Variants in GEN1 observed in about 807,000 individuals in gnomAD.
GEN1 encodes the protein flap endonuclease GEN homolog 1.
Under a neutral mutation model 67.6 loss-of-function variants are expected in GEN1, and 64 were observed. That is an observed-to-expected ratio of 0.95 (90% CI 0.77 to 1.17). The LOEUF (loss-of-function observed/expected upper bound fraction) is 1.17, where lower values mean the gene tolerates loss of function less well. Ranked by LOEUF, GEN1 falls within the 50% of genes most tolerant of loss-of-function variation. GEN1 has a pLI of 0.00. For missense variants in GEN1, 1,058 were observed against 1,048.3 expected, an observed-to-expected ratio of 1.01 and a Z score of -0.13; for synonymous variants, 371 against 359.4, an observed-to-expected ratio of 1.03 and a Z score of -0.37.
At chr2:17,770,680 C>T (rs1672138266) in intron 6 of GEN1, among the ~76,000 whole-genome samples, 1 of 151,944 alleles carries the variant, frequency 6.6e-6, no homozygotes, top group Non-Finnish European at 1.5e-5. Flanking sequence ...GCTCTTTGCA[C>T]AAGAGATTAA....
intron 4 of GEN1, among the ~76,000 whole-genome samples, chr2:17,765,471 C>T (rs1671883982): frequency 6.6e-6 from 1 of 152,160 alleles, no homozygotes; most frequent in Non-Finnish European, 1.5e-5. Flanking sequence ...TGGCAAGCAG[C>T]CCGAGTGCTC....
At chr2:17,776,360 T>C (rs1672433755) in intron 11 of GEN1, among the ~76,000 whole-genome samples, 1 of 152,114 alleles carries the variant, frequency 6.6e-6, no homozygotes, top group Non-Finnish European at 1.5e-5. Context: ...TTGGGGAAAT[T>C]TGAATATGGT....
intron 6 of GEN1, among the ~76,000 whole-genome samples, chr2:17,769,585 G>A (rs777896308): frequency 6.6e-6 from 1 of 152,106 alleles, no homozygotes; most frequent in Non-Finnish European, 1.5e-5. Context: ...TGTCTGTGGC[G>A]TGTTGTAAAT....
chr2:17,787,827 GAC>G lies in GEN1; in HGVS notation c.*5890_*5891del, dbSNP rs1673106780. 6.6e-6 allele frequency: 1 copy of G among 152,500 alleles called. No individual in the cohort carries two copies. Among genetic ancestry groups the G allele is most frequent in the African/African-American group, 2.4e-5 (1 of 41,476 alleles). 9.4% of individuals were successfully genotyped at this position (152,500 alleles called of 1,614,324 possible). On this transcript the variant is annotated 3_prime_UTR_variant, in exon 14 of 14. Coordinates refer to ENST00000381254, the MANE Select transcript of GEN1 (RefSeq NM_001130009.3). Reference sequence around the variant, plus strand: ...TAATCCCACCTACTTGGGAGGCTGAGACAAGAGAATCACTTGAACCCGGGAGG... The same window carrying G: ...TAATCCCACCTACTTGGGAGGCTGAGAAGAGAATCACTTGAACCCGGGAGG...
intron 3 of GEN1, among the ~76,000 whole-genome samples, chr2:17,762,428 C>T (rs948816689): frequency 1.3e-5 from 2 of 151,848 alleles, no homozygotes; most frequent in African/African-American, 4.8e-5. Flanking sequence ...AGAATGGTCT[C>T]GATCTCCTGA....
chr2:17,762,079 T>A (rs2125122678), intron 3 of GEN1, among the ~76,000 whole-genome samples: 1 of 151,950 alleles, frequency 6.6e-6, no homozygotes, highest in East Asian at 1.9e-4. Context: ...TTATAATATA[T>A]TATTTATATG....
intron 5 of GEN1, 72 bp downstream of exon 5, chr2:17,766,761 GAATATA>G: frequency 1.3e-6 from 1 of 771,024 alleles, no homozygotes. Context: ...GTATAAATAT[GAATATA>G]ATATGGCTAT....
Position 17,773,252 on chromosome 2 carries a change from T to C in GEN1, c.1024T>C (p.Leu342=), listed in dbSNP as rs745329522. 3 of 1,602,552 alleles carry C rather than the reference T, an allele frequency of 1.9e-6. No homozygotes were observed. The stretch of plus-strand genomic sequence containing the variant: ...AGAATTCCTTTTAAACAAGGATAAA[T>C]TGGTGAAGGTTATCAGGTACCAAAG... The part of the protein sequence containing the change: ...IQEFLLNKDK[L]VKVIRYQRPD... Residue 342 remains leucine, a synonymous_variant, in exon 10 of 14, where the codon TTG becomes CTG. Coordinates refer to ENST00000381254, the MANE Select transcript of GEN1 (RefSeq NM_001130009.3).
chr2:17,761,706 A>G (rs1671688396), intron 3 of GEN1, 124 bp downstream of exon 3: 2 of 661,592 alleles, frequency 3.0e-6, no homozygotes, highest in Non-Finnish European at 4.8e-6. Context: ...GCCTAGAGAA[A>G]AGAGTTTATT....
At chr2:17,776,097 C>CA (rs1182092377) in intron 11 of GEN1, among the ~76,000 whole-genome samples, 1 of 111,614 alleles carries the variant, frequency 9.0e-6, no homozygotes, top group Non-Finnish European at 1.7e-5. Context: ...AACTTGGTGA[C>CA]AGAGTGAGAC....
At chr2:17,773,781 C>CAATATATATATA (rs1465939929) in intron 10 of GEN1, among the ~76,000 whole-genome samples, 2 of 152,166 alleles carry the variant, frequency 1.3e-5, no homozygotes, top group East Asian at 3.9e-4. Context: ...TTTATATTAA[C>CAATATATATATA]TCCTAATATA....
intron 11 of GEN1, among the ~76,000 whole-genome samples, chr2:17,775,058 T>C (rs1237909325): frequency 6.6e-6 from 1 of 152,164 alleles, no homozygotes; most frequent in Admixed American, 6.5e-5. Flanking sequence ...AAATCAACAA[T>C]TGCGTCATGA....
Position 17,761,433 on chromosome 2 carries a change from G to T in GEN1, c.199G>T (p.Asp67Tyr), listed in dbSNP as rs1164101094. The change falls in exon 3 of 14, where the codon GAT (aspartate) becomes TAT (tyrosine). Residue 67 changes from aspartate to tyrosine, a missense_variant. By Grantham distance (160) the Asp-to-Tyr change is radical (BLOSUM62 -3). Coordinates refer to ENST00000381254, the MANE Select transcript of GEN1 (RefSeq NM_001130009.3). The stretch of plus-strand genomic sequence containing the variant: ...TCGTATCTCATATTTAACACAAATG[G>T]ATGTAAAACTGGTATTTGTTATGGA... ...FFRISYLTQM[D>Y]VKLVFVMEGE... The T allele has an allele frequency of 1.2e-6, 2 of 1,607,664 alleles. No individual in the cohort carries two copies. The highest frequency in any genetic ancestry group is 1.7e-6 in the Non-Finnish European group (2 of 1,175,238).
In GEN1 at chr2:17,784,131, T is replaced by A. The variant is rs984744707; in HGVS notation, c.*2192T>A. On this transcript the variant is annotated 3_prime_UTR_variant, in exon 14 of 14. Transcript: ENST00000381254. ...TGTATCTTGGTGGTATATAAAGAAC[T>A]CGTAACTCAATTATAAAAAGACAAC... The A allele has an allele frequency of 3.3e-5, 5 of 151,888 alleles. No homozygotes were observed. The highest frequency in any genetic ancestry group is 3.3e-4 in the Admixed American group (5 of 15,244). 9.4% of individuals were successfully genotyped at this position (151,888 alleles called of 1,614,324 possible).
chr2:17,755,307 CTA>C (rs1199552048), intron 1 of GEN1: 1 of 152,202 alleles, frequency 6.6e-6, no homozygotes, highest in Admixed American at 6.5e-5. Context: ...CTAAATACAA[CTA>C]TAGCTTGCTT....
chr2:17,764,326 G>A (rs1671824164), intron 3 of GEN1, among the ~76,000 whole-genome samples: 1 of 152,168 alleles, frequency 6.6e-6, no homozygotes, highest in South Asian at 2.1e-4. Flanking sequence ...CGCGTATTGG[G>A]TTGACCATCA....
chr2:17,762,074 A>C (rs1406841868), intron 3 of GEN1, among the ~76,000 whole-genome samples: 1 of 151,788 alleles, frequency 6.6e-6, no homozygotes, highest in African/African-American at 2.4e-5. Flanking sequence ...TTACATTATA[A>C]TATATTATTT....
In GEN1 at chr2:17,773,295, T is replaced by C; in HGVS notation, c.1067T>C (p.Phe356Ser). 4.5e-6 allele frequency: 7 copies of C among 1,563,644 alleles called. No homozygotes were observed. The highest frequency in any genetic ancestry group is 6.1e-6 in the Non-Finnish European group (7 of 1,142,002). The change falls in exon 10 of 14, where the codon TTT becomes TCT. Residue 356 changes from phenylalanine (F) to serine (S), a missense_variant. Coordinates refer to ENST00000381254, the MANE Select transcript of GEN1 (RefSeq NM_001130009.3). ...IRYQRPDLLL[F>S]QRFTLEKMEW... ...TACCAAAGACCTGATTTGTTATTGT[T>C]TCAGGTATCTGAAAATAAATTCTTC...
rs1394657637 is a variant in GEN1, at chr2:17,765,143, A to T, written c.525+70A>T. On this transcript the variant is annotated intron_variant, in intron 4 of 13. Transcript: ENST00000381254. ...CTTTTTTAAAGGGCTGATTAAATGA[A>T]ATAGTAGATATAAAATGCTTACTGT... is the stretch of plus-strand genomic sequence containing the variant. 19 of 1,423,218 alleles carry T rather than the reference A, an allele frequency of 1.3e-5. No homozygotes were observed. In the Admixed American group the frequency reaches 2.4e-4, roughly 18 times the overall value. The allele number at this position is 1,423,218 out of a possible 1,614,324, so 88.2% of individuals were successfully genotyped here.
Sources: allele counts gnomAD v4.1 joint callset (sites outside exome capture counted in the v4.1 genomes callset), GRCh38; gene constraint gnomAD v4.1.1; transcripts MANE v1.5; gene names NCBI Gene and HGNC (gene_info 2026-07-23, HGNC 2026-07-21).